MEP1B: variants seen among roughly 807,000 people sequenced by gnomAD.
The protein encoded by MEP1B is meprin A subunit beta.
In MEP1B, 80 loss-of-function variants were observed where a neutral mutation model predicts 84.6. The observed-to-expected ratio is 0.95, with a 90% CI of 0.79 to 1.14. The LOEUF is 1.14. Ranked by LOEUF, MEP1B falls within the 50% of genes most tolerant of loss-of-function variation. The pLI is 0.00. For missense variants in MEP1B, 766 were observed against 855.1 expected, an observed-to-expected ratio of 0.90 and a Z score of 1.30; for synonymous variants, 273 against 288.1, an observed-to-expected ratio of 0.95 and a Z score of 0.53.
chr18:32,202,620 A>G (rs548641544), intron 5 of MEP1B, among the ~76,000 whole-genome samples: 142 of 152,320 alleles, frequency 9.3e-4, no homozygotes, highest in African/African-American at 3.3e-3. Flanking sequence ...ATGTTCTCTG[A>G]GGTAAAGATG....
chr18:32,208,167 T>A lies in MEP1B; in HGVS notation c.815T>A (p.Val272Glu). 2 of 1,614,012 alleles carry A rather than the reference T, an allele frequency of 1.2e-6. No individual in the cohort carries two copies. Among genetic ancestry groups the A allele is most frequent in the Non-Finnish European group, 1.7e-6 (2 of 1,179,882 alleles). The change falls in exon 9 of 15, where the codon GTG (valine) becomes GAG (glutamate). Residue 272 changes from valine (V) to glutamate (E), a missense_variant. Transcript: ENST00000269202. ...TCGTGCAGTTTTGAACTGGAAAATG[T>A]GTGTGGCATGATCCAAAGTTCAGGA... ...MDSCSFELEN[V>E]CGMIQSSGDN...
chr18:32,199,259 T>C lies in MEP1B; in HGVS notation c.251-3634T>C, dbSNP rs2040885174. On this transcript the variant is annotated intron_variant, in intron 5 of 14. Transcript: ENST00000269202. ...TTGAAGCCGTGAGTATGGATGAGCA[T>C]TTCACACAGTGCCTTGCATAGAGCA... Among the ~76,000 whole-genome samples the C allele has an allele frequency of 2.0e-5, 3 of 152,224 alleles. No homozygotes were observed. The South Asian group carries it at 6.2e-4, about 32-fold the overall frequency.
intron 14 of MEP1B, among the ~76,000 whole-genome samples, chr18:32,218,301 G>A (rs2041115088): frequency 6.6e-6 from 1 of 152,182 alleles, no homozygotes; most frequent in Admixed American, 6.5e-5. Flanking sequence ...GTAAAGGGAA[G>A]AGGTGGCCTG....
intron 9 of MEP1B, among the ~76,000 whole-genome samples, chr18:32,209,060 A>C (rs145446534): frequency 2.4e-4 from 37 of 152,308 alleles, no homozygotes; most frequent in African/African-American, 8.7e-4. Context: ...GTTTTTGAAA[A>C]CTAATTTCTG....
At chr18:32,199,227 G>T (rs1309717390) in intron 5 of MEP1B, among the ~76,000 whole-genome samples, 1 of 152,230 alleles carries the variant, frequency 6.6e-6, no homozygotes, top group Non-Finnish European at 1.5e-5. Flanking sequence ...TAGGATGTAA[G>T]AGATGGTTGA....
chr18:32,213,383 C>T lies in MEP1B; in HGVS notation c.1403C>T (p.Ala468Val), dbSNP rs141050716. ...GYAFQIYLNL[A>V]HVTNAGIYFH... is the part of the protein sequence containing the mutation. The stretch of plus-strand genomic sequence containing the variant: ...GCCTTTCAGATTTACTTAAATCTAG[C>T]CCATGTGACTAATGCAGGGATATAT... The change falls in exon 11 of 15, where the codon GCC becomes GTC. Residue 468 changes from alanine (A) to valine (V), a missense_variant. Physicochemically the swap from Ala to Val is moderately conservative, Grantham distance 64. Transcript: ENST00000269202. 0.013 allele frequency: 21,448 copies of T among 1,613,634 alleles called. 178 individuals are homozygous for T. The highest frequency in any genetic ancestry group is 0.028 in the Middle Eastern group (169 of 6,062).
intron 1 of MEP1B, among the ~76,000 whole-genome samples, chr18:32,190,975 T>C (rs2040796730): frequency 6.6e-6 from 1 of 152,110 alleles, no homozygotes; most frequent in Non-Finnish European, 1.5e-5. Context: ...AATTGTACTT[T>C]ACACTTTTGT....
At chr18:32,206,521 C>G (rs914628264) in intron 7 of MEP1B, among the ~76,000 whole-genome samples, 1 of 151,824 alleles carries the variant, frequency 6.6e-6, no homozygotes, top group African/African-American at 2.4e-5. Flanking sequence ...GCTCGACTTC[C>G]CAGGCTCAGG....
Position 32,217,937 on chromosome 18 carries a change from C to A in MEP1B, c.2063C>A (p.Ser688Ter). ...TRKKYRERMSSNRPNLTPQNQ... is the reference protein window; with the variant it reads ...TRKKYRERMS Reference sequence around the variant, plus strand: ...AAGAAATATCGTGAAAGGATGAGCTCAAATCGACCAAATTTGACTCCGCAA... The same window carrying A: ...AAGAAATATCGTGAAAGGATGAGCTAAAATCGACCAAATTTGACTCCGCAA... Residue 688 changes from serine (S) to a stop codon, truncating the protein, a stop_gained, in exon 14 of 15, where the codon TCA becomes TAA. Transcript: ENST00000269202. LOFTEE classifies it low-confidence loss of function (END_TRUNC). 1 of 1,613,856 alleles carries A rather than the reference C, an allele frequency of 6.2e-7. No homozygotes were observed. The highest frequency in any genetic ancestry group is 8.5e-7 in the Non-Finnish European group (1 of 1,179,852).
At chr18:32,215,993 T>TGC (rs2041085424) in intron 12 of MEP1B, among the ~76,000 whole-genome samples, 1 of 15,388 alleles carries the variant, frequency 6.5e-5, no homozygotes, top group African/African-American at 2.3e-4. Context: ...TATATATATA[T>TGC]ATATATATAT....
At chr18:32,211,528 C>T (rs1222492713) in intron 10 of MEP1B, among the ~76,000 whole-genome samples, 1 of 152,032 alleles carries the variant, frequency 6.6e-6, no homozygotes, top group Non-Finnish European at 1.5e-5. Context: ...TACATTTGAC[C>T]AAATTTGCTA....
intron 4 of MEP1B, 138 bp from the exon 5 acceptor site, chr18:32,195,263 TACACAC>T (rs3217505): frequency 6.1e-4 from 304 of 495,970 alleles, no homozygotes; most frequent in South Asian, 2.3e-3. Flanking sequence ...AAAGTAGGGC[TACACAC>T]ACACACACAC....
At chr18:32,206,504 A>G (rs1309035358) in intron 7 of MEP1B, among the ~76,000 whole-genome samples, 1 of 150,000 alleles carries the variant, frequency 6.7e-6, no homozygotes, top group African/African-American at 2.5e-5. Context: ...ATCACAGCTC[A>G]CTGCAGGCTC....
chr18:32,190,233 C>G, intron 1 of MEP1B, 100 bp downstream of exon 1: 1 of 852,550 alleles, frequency 1.2e-6, no homozygotes. Context: ...TTTTATACAT[C>G]TTGAAATGTT....
chr18:32,203,199 C>G (rs2040930409), intron 6 of MEP1B, 189 bp downstream of exon 6: 3 of 505,976 alleles, frequency 5.9e-6, no homozygotes, highest in Non-Finnish European at 7.0e-6. Context: ...ATACATGTAA[C>G]CGCCTTTAGA....
At chr18:32,201,838 G>C (rs1378387525) in intron 5 of MEP1B, among the ~76,000 whole-genome samples, 2 of 152,122 alleles carry the variant, frequency 1.3e-5, no homozygotes, top group Non-Finnish European at 2.9e-5. Context: ...TCCTGTTCTT[G>C]ATCTTCTTAG....
chr18:32,203,246 C>T (rs1361327852), intron 6 of MEP1B: 4 of 392,222 alleles, frequency 1.0e-5, no homozygotes, highest in Non-Finnish European at 1.8e-5. Flanking sequence ...TGCCATCAGA[C>T]CCACAACCTT....
At chr18:32,191,937 A>C in intron 2 of MEP1B, 97 bp downstream of exon 2, 1 of 725,648 alleles carries the variant, frequency 1.4e-6, no homozygotes, top group Non-Finnish European at 2.3e-6. Context: ...ATTGATGCAT[A>C]ATTGCATTGA....
At chr18:32,204,091 G>A (rs2040939262) in intron 6 of MEP1B, 91 bp from the exon 7 acceptor site, 1 of 1,037,236 alleles carries the variant, frequency 9.6e-7, no homozygotes, top group Non-Finnish European at 1.5e-6. Flanking sequence ...TAATGAAGTG[G>A]GTAATGAAGT....
Sources: gnomAD v4.1 joint callset for allele counts (sites outside exome capture counted in the v4.1 genomes callset) on GRCh38, gnomAD v4.1.1 for gene constraint, MANE v1.5 for transcripts, NCBI Gene and HGNC (gene_info 2026-07-23, HGNC 2026-07-21) for gene names.